The following CSMD1 variants were observed in gnomAD, a reference collection of about 807,000 sequenced individuals.
CSMD1 encodes the protein CUB and Sushi multiple domains 1.
CSMD1 carries 213 observed loss-of-function variants against 417.5 expected under a neutral mutation model. The observed-to-expected ratio is 0.51, with a 90% CI of 0.46 to 0.57. The LOEUF (loss-of-function observed/expected upper bound fraction) is 0.57. Among genes scored for constraint, CSMD1 ranks in the 20% least tolerant of loss-of-function variants. The pLI, the probability that CSMD1 is intolerant of heterozygous loss-of-function variation, is 0.00. For synonymous variants in CSMD1, 2,862 were observed against 1,736.8 expected (o/e 1.65, Z -16.11); for missense variants, 6,923 against 4,529.7 (o/e 1.53, Z -15.17).
chr8:4,370,709 C>T (rs958616780), intron 3 of CSMD1, among the ~76,000 whole-genome samples: 5 of 152,204 alleles, frequency 3.3e-5, no homozygotes, highest in South Asian at 2.1e-4. Context: ...CTTTCCTCAG[C>T]TCGGTCTGTT....
chr8:4,310,449 G>T (rs1434497532), intron 3 of CSMD1, among the ~76,000 whole-genome samples: 3 of 152,154 alleles, frequency 2.0e-5, no homozygotes, highest in Non-Finnish European at 4.4e-5. Flanking sequence ...GCAGAAGTAG[G>T]AAGGATGAAC....
Position 3,230,226 on chromosome 8 carries a change from T to C in CSMD1, c.4159A>G (p.Ile1387Val), listed in dbSNP as rs538040776. 62 of 1,577,360 alleles carry C rather than the reference T, an allele frequency of 3.9e-5. No individual in the cohort carries two copies. Among genetic ancestry groups the C allele is most frequent in the African/African-American group, 3.9e-4 (29 of 73,830 alleles). Reference protein sequence around the residue: ...SGFSIQFSTSIAATCNDPGMP... With the variant: ...SGFSIQFSTSVAATCNDPGMP... ...CCTGGATCGTTACAGGTGGCTGCAA[T>C]TGAGGCTGCAAACAAAAGAGAAGGC... The change falls in exon 27 of 70, where the codon ATT becomes GTT. Residue 1387 changes from isoleucine (I) to valine (V), a missense_variant. By Grantham distance (29) the Ile-to-Val change is conservative. Coordinates refer to ENST00000635120, the MANE Select transcript of CSMD1 (RefSeq NM_033225.6).
At chr8:3,011,627 A>C (rs1808389522) in intron 52 of CSMD1, among the ~76,000 whole-genome samples, 1 of 152,246 alleles carries the variant, frequency 6.6e-6, no homozygotes, top group African/African-American at 2.4e-5. Flanking sequence ...TAACAATAGC[A>C]AAACAATCTA....
chr8:4,279,285 G>C (rs774009420), intron 3 of CSMD1, among the ~76,000 whole-genome samples: 9 of 152,114 alleles, frequency 5.9e-5, no homozygotes, highest in Non-Finnish European at 1.0e-4. Context: ...AGTGTAAAAA[G>C]CCAACTGCTT....
intron 37 of CSMD1, among the ~76,000 whole-genome samples, chr8:3,174,488 G>C (rs1222734473): frequency 1.3e-5 from 2 of 151,988 alleles, no homozygotes; most frequent in South Asian, 2.1e-4. Context: ...GTGAGATTCT[G>C]TCTCAAAAAA....
chr8:3,309,930 A>G (rs11136604), intron 23 of CSMD1, among the ~76,000 whole-genome samples: 1 of 151,982 alleles, frequency 6.6e-6, no homozygotes, highest in Non-Finnish European at 1.5e-5. Context: ...TCCTTCCATA[A>G]AGTTTCCTTC....
intron 8 of CSMD1, among the ~76,000 whole-genome samples, chr8:3,606,423 C>T (rs545958211): frequency 2.0e-5 from 3 of 151,958 alleles, no homozygotes; most frequent in Non-Finnish European, 4.4e-5. Flanking sequence ...GGTAAGTGTT[C>T]GTATATCTAA....
At chr8:2,968,126 TATG>T (rs1319538545) in intron 57 of CSMD1, among the ~76,000 whole-genome samples, 2 of 152,336 alleles carry the variant, frequency 1.3e-5, no homozygotes, top group East Asian at 1.9e-4. Context: ...TTGAAAGTTT[TATG>T]ATAACTATAC....
intron 3 of CSMD1, among the ~76,000 whole-genome samples, chr8:4,192,768 A>G (rs1158149265): frequency 6.6e-6 from 1 of 152,166 alleles, no homozygotes; most frequent in African/African-American, 2.4e-5. Flanking sequence ...TTCCATTTTC[A>G]AGAATTTCCA....
chr8:4,866,381 A>G (rs1802419786), intron 1 of CSMD1, among the ~76,000 whole-genome samples: 2 of 151,978 alleles, frequency 1.3e-5, no homozygotes, highest in Non-Finnish European at 2.9e-5. Flanking sequence ...TTGAAGAGTA[A>G]CCTCCTGTGG....
chr8:3,745,458 C>T (rs561311341), intron 6 of CSMD1, among the ~76,000 whole-genome samples: 6 of 152,322 alleles, frequency 3.9e-5, no homozygotes, highest in Middle Eastern at 3.4e-3. Flanking sequence ...GCCAACTTGA[C>T]GTAATCTGAG....
intron 2 of CSMD1, among the ~76,000 whole-genome samples, chr8:4,570,421 A>G (rs767873239): frequency 2.6e-5 from 4 of 152,150 alleles, no homozygotes; most frequent in African/African-American, 7.2e-5. Context: ...GGTTCTGTTT[A>G]TGTGATGGAT....
intron 1 of CSMD1, among the ~76,000 whole-genome samples, chr8:4,942,993 C>T (rs1312637483): frequency 6.6e-6 from 1 of 152,158 alleles, no homozygotes; most frequent in Non-Finnish European, 1.5e-5. Context: ...AAGTCAGGCG[C>T]TCTCAGGACT....
At chr8:3,974,536 T>C (rs77721398) in intron 5 of CSMD1, among the ~76,000 whole-genome samples, 11 of 152,144 alleles carry the variant, frequency 7.2e-5, no homozygotes, top group Admixed American at 3.3e-4. Context: ...AGTTGTTTAG[T>C]TGTCTCAAAA....
At chr8:4,939,078 C>T (rs1268881474) in intron 1 of CSMD1, among the ~76,000 whole-genome samples, 1 of 152,154 alleles carries the variant, frequency 6.6e-6, no homozygotes. Context: ...AATAATTCTC[C>T]CCCCTCTGCG....
At chr8:3,842,251 C>A (rs1383185000) in intron 5 of CSMD1, among the ~76,000 whole-genome samples, 1 of 152,092 alleles carries the variant, frequency 6.6e-6, no homozygotes, top group Non-Finnish European at 1.5e-5. Context: ...CTCTGTTAAA[C>A]ATTCAAAACT....
chr8:4,630,505 A>G (rs1336219325), intron 2 of CSMD1, among the ~76,000 whole-genome samples: 1 of 152,172 alleles, frequency 6.6e-6, no homozygotes, highest in Non-Finnish European at 1.5e-5. Context: ...AAACAAAAAT[A>G]CTCAAACTTA....
At chr8:4,020,462 G>C (rs569339737) in intron 4 of CSMD1, among the ~76,000 whole-genome samples, 20 of 152,290 alleles carry the variant, frequency 1.3e-4, no homozygotes, top group Admixed American at 3.3e-4. Context: ...ATAGGGCTTG[G>C]TTATGTGACC....
chr8:4,278,529 G>A (rs17413170), intron 3 of CSMD1, among the ~76,000 whole-genome samples: 13,838 of 152,176 alleles, frequency 0.091, 814 homozygotes, highest in Non-Finnish European at 0.13. Flanking sequence ...TACCATTAAA[G>A]TAAGGTACTA....
Sources: allele counts gnomAD v4.1 joint callset (sites outside exome capture counted in the v4.1 genomes callset), GRCh38; gene constraint gnomAD v4.1.1; transcripts MANE v1.5; gene names NCBI Gene and HGNC (gene_info 2026-07-23, HGNC 2026-07-21).